Variants in FBXO11 observed in about 807,000 individuals in gnomAD.
FBXO11 encodes the protein F-box only protein 11.
In FBXO11, 13 loss-of-function variants were observed where a neutral mutation model predicts 117.0. That is an observed-to-expected ratio of 0.11 (90% CI 0.07 to 0.18). The LOEUF (loss-of-function observed/expected upper bound fraction) is 0.18. Among genes scored for constraint, FBXO11 ranks in the 10% least tolerant of loss-of-function variants. The pLI, the probability that FBXO11 is intolerant of heterozygous loss-of-function variation, is 1.00. For synonymous variants in FBXO11, 490 were observed against 380.5 expected (o/e 1.29, Z -3.35); for missense variants, 767 against 1,164.4 (o/e 0.66, Z 4.97).
chr2:47,896,301 G>C (rs920685061), intron 1 of FBXO11, among the ~76,000 whole-genome samples: 1 of 150,524 alleles, frequency 6.6e-6, no homozygotes, highest in Non-Finnish European at 1.5e-5. Context: ...ACTCCTACCC[G>C]AAAGATCTTT....
chr2:47,886,973 A>G (rs1319306268), intron 1 of FBXO11, among the ~76,000 whole-genome samples: 1 of 152,148 alleles, frequency 6.6e-6, no homozygotes, highest in Non-Finnish European at 1.5e-5. Flanking sequence ...TGATCAAGCC[A>G]TTACACTCTA....
chr2:47,820,679 G>T (rs1671315776), intron 13 of FBXO11, among the ~76,000 whole-genome samples: 1 of 152,144 alleles, frequency 6.6e-6, no homozygotes, highest in Non-Finnish European at 1.5e-5. Flanking sequence ...TGAATCCCAG[G>T]AATTCCACTT....
At position 47,807,007 on chromosome 2, in the gene FBXO11, T is replaced by G. The variant is rs528529822; in HGVS notation, c.*1111A>C. ...TAAACCCTTTTAATTCTTATCTACC[T>G]TCTACATAATGGTTATTGAATACTC... On this transcript the variant is annotated 3_prime_UTR_variant, in exon 23 of 23. Coordinates refer to ENST00000403359, the MANE Select transcript of FBXO11 (RefSeq NM_001190274.2). 335 of 683,184 alleles carry G rather than the reference T, an allele frequency of 4.9e-4. 8 individuals are homozygous for G. Among genetic ancestry groups the G allele is most frequent in the South Asian group, 3.9e-3 (234 of 60,286 alleles). The allele number at this position is 683,184 out of a possible 1,614,324, so 42.3% of individuals were successfully genotyped here.
chr2:47,817,091 A>C (rs1163441123), intron 16 of FBXO11, among the ~76,000 whole-genome samples: 2 of 152,228 alleles, frequency 1.3e-5, no homozygotes, highest in Middle Eastern at 3.2e-3. Flanking sequence ...TGTTTAGTGT[A>C]GCCACCTTCA....
At chr2:47,862,831 G>C (rs889276892) in intron 1 of FBXO11, among the ~76,000 whole-genome samples, 2 of 152,080 alleles carry the variant, frequency 1.3e-5, no homozygotes, top group Admixed American at 1.3e-4. Context: ...GAGGTGGACA[G>C]ATCACCTGAG....
intron 1 of FBXO11, among the ~76,000 whole-genome samples, chr2:47,860,757 A>G (rs1033211320): frequency 1.1e-4 from 16 of 151,040 alleles, no homozygotes; most frequent in Non-Finnish European, 1.6e-4. Flanking sequence ...TGCAGGAGAG[A>G]GAGAGAAAGA....
rs879264323 is a variant in FBXO11 at position 47,874,534 on chromosome 2, T to TA, written c.232+30954dup. Among the ~76,000 whole-genome samples the TA allele has an allele frequency of 3.7e-3, 550 of 146,678 alleles. 3 individuals carry two copies. The highest frequency in any genetic ancestry group is 7.2e-3 in the Middle Eastern group (2 of 278). On this transcript the variant is annotated intron_variant, in intron 1 of 22. Transcript: ENST00000403359. ...TAACACACAAACACCGTACAAAATT[T>TA]AAAAAAAAAAACAATTTTGAGACAG... is the stretch of plus-strand genomic sequence containing the variant.
rs1428445265 is a variant in FBXO11 at position 47,905,621 on chromosome 2, G to C, written c.100C>G (p.Gln34Glu). 8.0e-6 allele frequency: 11 copies of C among 1,372,984 alleles called. No individual in the cohort carries two copies. The highest frequency in any genetic ancestry group is 1.0e-5 in the Non-Finnish European group (11 of 1,060,256). The allele number at this position is 1,372,984 out of a possible 1,614,324, so 85.1% of individuals were successfully genotyped here. Residue 34 changes from glutamine to glutamate, a missense_variant, in exon 1 of 23, where the codon CAG becomes GAG. Coordinates refer to ENST00000403359, the MANE Select transcript of FBXO11 (RefSeq NM_001190274.2). ...TGGGGCGGCTGCTGCTGGGGCGGCT[G>C]CGGCGGCGGCTGCTGCGGGGGCTGC... ...QQQPPQQPPP[Q>E]PPQQQPPQQQ...
intron 1 of FBXO11, among the ~76,000 whole-genome samples, chr2:47,882,443 T>G (rs1004649601): frequency 3.9e-5 from 6 of 152,160 alleles, no homozygotes; most frequent in Non-Finnish European, 8.8e-5. Flanking sequence ...AGCTAGTTTT[T>G]CTTCAATTGT....
rs34059291 is a variant in FBXO11, at chr2:47,819,252, T to G, written c.1798-174A>C. Among the ~76,000 whole-genome samples the G allele has an allele frequency of 6.6e-3, 1,007 of 152,372 alleles. 12 individuals carry two copies. Among genetic ancestry groups the G allele is most frequent in the Non-Finnish European group, 0.012 (811 of 68,044 alleles). On this transcript the variant is annotated intron_variant, in intron 14 of 22. Transcript: ENST00000403359. ...TTTGTTTTGAAATGGAGTCTCGCTC[T>G]GTCGCCCAGGCTGGAGTACAGTGGC...
At chr2:47,904,005 C>T (rs905203706) in intron 1 of FBXO11, among the ~76,000 whole-genome samples, 2 of 152,174 alleles carry the variant, frequency 1.3e-5, no homozygotes, top group African/African-American at 4.8e-5. Flanking sequence ...TTCTTTCAAG[C>T]AACATATAGC....
intron 1 of FBXO11, among the ~76,000 whole-genome samples, chr2:47,904,581 AACACACACAC>A (rs112758707): frequency 0.23 from 33,782 of 147,518 alleles, 4,019 homozygotes; most frequent in Middle Eastern, 0.27. Flanking sequence ...CGCGCGCGCA[AACACACACAC>A]ACACACACAC....
At chr2:47,843,740 T>G (rs1018771890) in intron 1 of FBXO11, among the ~76,000 whole-genome samples, 37 of 152,104 alleles carry the variant, frequency 2.4e-4, no homozygotes, top group African/African-American at 8.0e-4. Context: ...TGCTGCTTCT[T>G]CTTCTTCTTC....
chr2:47,896,056 T>C (rs1572922024), intron 1 of FBXO11, among the ~76,000 whole-genome samples: 1 of 152,256 alleles, frequency 6.6e-6, no homozygotes, highest in South Asian at 2.1e-4. Context: ...AGACTGTTTC[T>C]AATTCAAACA....
chr2:47,852,854 G>C (rs1469426527), intron 1 of FBXO11, among the ~76,000 whole-genome samples: 1 of 152,086 alleles, frequency 6.6e-6, no homozygotes, highest in African/African-American at 2.4e-5. Flanking sequence ...AGGAAACCAG[G>C]CAAAGAGAGG....
At chr2:47,826,292 C>T (rs575664540) in intron 11 of FBXO11, among the ~76,000 whole-genome samples, 3 of 150,870 alleles carry the variant, frequency 2.0e-5, no homozygotes, top group African/African-American at 7.3e-5. Flanking sequence ...CTCCTAACCT[C>T]GTGATCCACC....
chr2:47,818,715 C>A (rs182283944), intron 16 of FBXO11, 64 bp downstream of exon 16: 3 of 1,140,978 alleles, frequency 2.6e-6, no homozygotes, highest in Non-Finnish European at 3.8e-6. Context: ...AAGCAAATTT[C>A]TTTTACACAC....
At chr2:47,898,902 A>G (rs1677880511) in intron 1 of FBXO11, among the ~76,000 whole-genome samples, 3 of 152,056 alleles carry the variant, frequency 2.0e-5, no homozygotes. Flanking sequence ...GCTACTTACT[A>G]TGCATCTTCA....
Position 47,813,309 on chromosome 2 carries a change from T to C in FBXO11, c.2152A>G (p.Ser718Gly), listed in dbSNP as rs1670751749. The change falls in exon 18 of 23, where the codon AGT (serine) becomes GGT (glycine). Residue 718 changes from serine to glycine, a missense_variant. Coordinates refer to ENST00000403359, the MANE Select transcript of FBXO11 (RefSeq NM_001190274.2). ...TTATTTCTTCTTAGTGTAGGATTAC[T>C]ATCTGTCTTAATCCAGACTCCAGCC... is the stretch of plus-strand genomic sequence containing the variant. ...AMAGVWIKTD[S>G]NPTLRRNKIH... 1 of 1,611,304 alleles carries C rather than the reference T, an allele frequency of 6.2e-7. No individual in the cohort carries two copies. The highest frequency in any genetic ancestry group is 1.1e-5 in the South Asian group (1 of 91,034).
Sources: allele counts gnomAD v4.1 joint callset (sites outside exome capture counted in the v4.1 genomes callset), GRCh38; gene constraint gnomAD v4.1.1; transcripts MANE v1.5; gene names NCBI Gene and HGNC (gene_info 2026-07-23, HGNC 2026-07-21).